RBFOX1: variants seen among roughly 807,000 people sequenced by gnomAD.
The protein encoded by RBFOX1 is RNA binding protein fox-1 homolog 1.
In RBFOX1, 8 loss-of-function variants were observed where a neutral mutation model predicts 57.7. That is an observed-to-expected ratio of 0.14 (90% CI 0.08 to 0.25). RBFOX1 has a LOEUF of 0.25. Ranked by LOEUF, RBFOX1 falls within the 10% of genes least tolerant of loss-of-function variation. The pLI, the probability that RBFOX1 is intolerant of heterozygous loss-of-function variation, is 1.00. For missense variants in RBFOX1, 611 were observed against 548.5 expected, an observed-to-expected ratio of 1.11 and a Z score of -1.14; for synonymous variants, 326 against 222.4, an observed-to-expected ratio of 1.47 and a Z score of -4.15.
chr16:7,692,887 TTA>T (rs1491437474), intron 14 of RBFOX1, among the ~76,000 whole-genome samples: 29 of 100,366 alleles, frequency 2.9e-4, no homozygotes, highest in Non-Finnish European at 4.3e-4. Flanking sequence ...GCACTTTTTC[TTA>T]TTTTTTTTTG....
intron 3 of RBFOX1, among the ~76,000 whole-genome samples, chr16:6,816,788 A>C (rs950391568): frequency 1.5e-4 from 22 of 151,560 alleles, no homozygotes; most frequent in African/African-American, 3.9e-4. Flanking sequence ...TCTGTTACCC[A>C]GGTTGGACTG....
At chr16:6,564,721 C>T (rs1221857448) in intron 2 of RBFOX1, among the ~76,000 whole-genome samples, 3 of 152,004 alleles carry the variant, frequency 2.0e-5, no homozygotes, top group South Asian at 2.1e-4. Context: ...GATCTTGTTC[C>T]CCAGTGTGGG....
chr16:6,453,069 A>G (rs757196440), intron 2 of RBFOX1, among the ~76,000 whole-genome samples: 6 of 151,896 alleles, frequency 4.0e-5, no homozygotes, highest in Non-Finnish European at 8.8e-5. Context: ...TTGTACAACT[A>G]CTCTAAAGTG....
At chr16:7,264,852 A>T (rs377474888) in intron 4 of RBFOX1, among the ~76,000 whole-genome samples, 19 of 152,244 alleles carry the variant, frequency 1.2e-4, no homozygotes, top group African/African-American at 4.6e-4. Context: ...ATGAGAAAGC[A>T]TAGAAAAAAA....
At chr16:6,959,866 G>C (rs572449191) in intron 3 of RBFOX1, among the ~76,000 whole-genome samples, 1 of 152,158 alleles carries the variant, frequency 6.6e-6, no homozygotes, top group African/African-American at 2.4e-5. Flanking sequence ...GAACCTAGGA[G>C]GCGGACATGT....
chr16:7,020,430 A>G (rs1011891857), intron 3 of RBFOX1, among the ~76,000 whole-genome samples: 1 of 152,092 alleles, frequency 6.6e-6, no homozygotes, highest in Non-Finnish European at 1.5e-5. Context: ...CATGCTGGTG[A>G]GGCTGGTCTT....
rs1261716279 is a variant in RBFOX1, at chr16:6,890,913, A to ATGAAGTGAGC, written c.-15-161144_-15-161143insTGAAGTGAGC. ...GGGTATGAAGTGAGCATGAAGTGAG[A>ATGAAGTGAGC]AACTTGAACAGACTCTTGCTTGCTT... is the stretch of plus-strand genomic sequence containing the variant. On this transcript the variant is annotated intron_variant, in intron 3 of 15. Transcript: ENST00000550418. Among the ~76,000 whole-genome samples the ATGAAGTGAGC allele has an allele frequency of 2.6e-5, 4 of 152,298 alleles. No homozygotes were observed. In the East Asian group the frequency reaches 7.7e-4, roughly 29 times the overall value.
chr16:7,393,217 C>T (rs779455596), intron 4 of RBFOX1, among the ~76,000 whole-genome samples: 1 of 152,092 alleles, frequency 6.6e-6, no homozygotes, highest in African/African-American at 2.4e-5. Flanking sequence ...GTCAATGGTT[C>T]TGAGATCTGA....
In RBFOX1 at chr16:6,395,622, T is replaced by A. The variant is rs60863697; in HGVS notation, c.-64+78565T>A. On this transcript the variant is annotated intron_variant, in intron 2 of 15. Transcript: ENST00000550418. ...TACCTTACTACAGATTCATAACATT[T>A]GGATTATTGCATCTTGGGAAATAAA... Among the ~76,000 whole-genome samples, 4 of 152,294 alleles carry A rather than the reference T, an allele frequency of 2.6e-5. No individual in the cohort carries two copies. The South Asian group carries it at 8.3e-4, about 32-fold the overall frequency.
chr16:5,875,578 C>T (rs1033676875), intron 4 of RBFOX1, among the ~76,000 whole-genome samples: 3 of 152,124 alleles, frequency 2.0e-5, no homozygotes, highest in Non-Finnish European at 4.4e-5. Flanking sequence ...ACACACTAGT[C>T]GTTGTAGTGG....
At chr16:5,337,209 A>T (rs568530477) in intron 1 of RBFOX1, among the ~76,000 whole-genome samples, 2 of 152,178 alleles carry the variant, frequency 1.3e-5, no homozygotes, top group African/African-American at 4.8e-5. Flanking sequence ...TTGTGGGGCC[A>T]TTGACTGGGC....
chr16:5,586,260 A>C (rs766630601), intron 2 of RBFOX1, among the ~76,000 whole-genome samples: 1 of 152,172 alleles, frequency 6.6e-6, no homozygotes, highest in Non-Finnish European at 1.5e-5. Flanking sequence ...CTATGAGAGA[A>C]TACATTTCAC....
chr16:5,365,494 C>G (rs916560319), intron 1 of RBFOX1, among the ~76,000 whole-genome samples: 1 of 152,054 alleles, frequency 6.6e-6, no homozygotes, highest in Non-Finnish European at 1.5e-5. Context: ...CTGGTGAAAC[C>G]CTCATCTCTA....
chr16:6,086,615 G>A (rs2096088451), intron 1 of RBFOX1, among the ~76,000 whole-genome samples: 1 of 152,190 alleles, frequency 6.6e-6, no homozygotes, highest in South Asian at 2.1e-4. Flanking sequence ...GGGGGCGCAT[G>A]CTTGGTTGGG....
At chr16:6,967,216 C>A (rs13335053) in intron 3 of RBFOX1, among the ~76,000 whole-genome samples, 1 of 152,096 alleles carries the variant, frequency 6.6e-6, no homozygotes, top group African/African-American at 2.4e-5. Flanking sequence ...ATCTCTCCAT[C>A]CATCATCCAT....
At chr16:5,816,087 G>C (rs528413855) in intron 3 of RBFOX1, among the ~76,000 whole-genome samples, 1 of 152,294 alleles carries the variant, frequency 6.6e-6, no homozygotes, top group East Asian at 1.9e-4. Context: ...GTTCTCCATG[G>C]GGGTGCTCTG....
At chr16:7,650,803 T>C (rs2144550728) in intron 11 of RBFOX1, among the ~76,000 whole-genome samples, 1 of 152,332 alleles carries the variant, frequency 6.6e-6, no homozygotes, top group Non-Finnish European at 1.5e-5. Flanking sequence ...GGTGTTCCTC[T>C]GAAAACTTAA....
intron 3 of RBFOX1, among the ~76,000 whole-genome samples, chr16:6,806,902 C>T (rs1473249483): frequency 7.2e-6 from 1 of 138,394 alleles, no homozygotes; most frequent in Non-Finnish European, 1.5e-5. Context: ...AGCATGATCT[C>T]AGCTCACTGC....
intron 3 of RBFOX1, among the ~76,000 whole-genome samples, chr16:5,661,372 G>T (rs994703055): frequency 1.3e-5 from 2 of 152,112 alleles, no homozygotes; most frequent in African/African-American, 4.8e-5. Flanking sequence ...CATGTGTGTG[G>T]TGTGTATATA....
Sources: gnomAD v4.1 joint callset for allele counts (sites outside exome capture counted in the v4.1 genomes callset) on GRCh38, gnomAD v4.1.1 for gene constraint, MANE v1.5 for transcripts, NCBI Gene and HGNC (gene_info 2026-07-23, HGNC 2026-07-21) for gene names.